ARHGEF26: variants seen among roughly 807,000 people sequenced by gnomAD.
The protein encoded by ARHGEF26 is Rho guanine nucleotide exchange factor (GEF) 26.
In ARHGEF26, 59 loss-of-function variants were observed where a neutral mutation model predicts 89.4. The observed-to-expected ratio is 0.66, with a 90% CI of 0.54 to 0.82. The LOEUF is 0.82. Among genes scored for constraint, ARHGEF26 ranks in the 40% least tolerant of loss-of-function variants. ARHGEF26 has a pLI of 0.00. For synonymous variants in ARHGEF26, 500 were observed against 428.4 expected, an observed-to-expected ratio of 1.17 and a Z score of -2.06; for missense variants, 1,234 against 1,085.6, an observed-to-expected ratio of 1.14 and a Z score of -1.92.
rs1715060125 is a variant in ARHGEF26 at position 154,207,051 on chromosome 3, C to T, written c.1846-10818C>T. On this transcript the variant is annotated intron_variant, in intron 9 of 14. Coordinates refer to ENST00000465093, the MANE Select transcript of ARHGEF26 (RefSeq NM_015595.4). ...AAATAAATGGTACTGGAAGAACTGGCTAACTGTATGCAGAAAATTGAAACT... is the reference window on the plus strand; with the variant it reads ...AAATAAATGGTACTGGAAGAACTGGTTAACTGTATGCAGAAAATTGAAACT... Among the ~76,000 whole-genome samples, 4 of 152,170 alleles carry T rather than the reference C, an allele frequency of 2.6e-5. No individual in the cohort carries two copies. The South Asian group carries it at 8.3e-4, about 32-fold the overall frequency.
chr3:154,247,838 AGTCATGGTATC>A lies in ARHGEF26; in HGVS notation c.2301-5273_2301-5263del, dbSNP rs1717893445. Among the ~76,000 whole-genome samples the A allele has an allele frequency of 2.0e-5, 3 of 152,346 alleles. No homozygotes were observed. The South Asian group carries it at 6.2e-4, about 32-fold the overall frequency. On this transcript the variant is annotated intron_variant, in intron 12 of 14. Transcript: ENST00000465093. ...ATCTGTTTGTCCATGACAGGCCCTAAGTCATGGTATCGTCAATGAGACAATACTCTGTGAAA... is the reference window on the plus strand; with the variant it reads ...ATCTGTTTGTCCATGACAGGCCCTAAGTCAATGAGACAATACTCTGTGAAA...
At chr3:154,187,081 G>A (rs903309709) in intron 6 of ARHGEF26, 6 of 180,762 alleles carry the variant, frequency 3.3e-5, no homozygotes, top group Non-Finnish European at 3.2e-5. Flanking sequence ...TAGGAGAGAC[G>A]GCGTTTCACC....
At chr3:154,182,018 TG>T (rs1156875808) in intron 6 of ARHGEF26, among the ~76,000 whole-genome samples, 1 of 151,916 alleles carries the variant, frequency 6.6e-6, no homozygotes, top group Non-Finnish European at 1.5e-5. Context: ...TGGCCAAGTC[TG>T]GGTGGGTGGG....
chr3:154,253,189 TTC>T lies in ARHGEF26; in HGVS notation c.2368+11_2368+12del. On this transcript the variant is annotated splice_region_variant and intron_variant, in intron 13 of 14. Coordinates refer to ENST00000465093, the MANE Select transcript of ARHGEF26 (RefSeq NM_015595.4). The stretch of plus-strand genomic sequence containing the variant: ...GCCGCCTGCAGACCGAACCTGTAAG[TTC>T]TCTCAAGGGGAAGCCCACTTGGGAA... The T allele has an allele frequency of 6.2e-7, 1 of 1,613,952 alleles. No individual in the cohort carries two copies. The highest frequency in any genetic ancestry group is 2.2e-5 in the East Asian group (1 of 44,878).
chr3:154,252,173 A>AT (rs1390837095), intron 12 of ARHGEF26, among the ~76,000 whole-genome samples: 3 of 152,122 alleles, frequency 2.0e-5, no homozygotes, highest in East Asian at 3.9e-4. Context: ...TCATGAAGGC[A>AT]TTTTTTCTTA....
chr3:154,247,155 A>G (rs987080653), intron 12 of ARHGEF26, among the ~76,000 whole-genome samples: 5 of 151,964 alleles, frequency 3.3e-5, no homozygotes, highest in East Asian at 3.9e-4. Flanking sequence ...CCTCTTATCT[A>G]TGCTCTTAGT....
intron 12 of ARHGEF26, among the ~76,000 whole-genome samples, chr3:154,252,804 T>C (rs1281566007): frequency 1.3e-5 from 2 of 152,246 alleles, no homozygotes; most frequent in Admixed American, 6.5e-5. Flanking sequence ...ATGGGTATGC[T>C]AAATACCTTT....
intron 6 of ARHGEF26, among the ~76,000 whole-genome samples, chr3:154,164,751 A>G (rs1711899205): frequency 6.6e-6 from 1 of 152,132 alleles, no homozygotes; most frequent in South Asian, 2.1e-4. Flanking sequence ...TCTACTTCTT[A>G]TTCTCTTGAG....
At chr3:154,121,752 G>T (rs1037624867) in intron 1 of ARHGEF26, among the ~76,000 whole-genome samples, 190 bp from the exon 2 acceptor site, 2 of 152,200 alleles carry the variant, frequency 1.3e-5, no homozygotes, top group Non-Finnish European at 2.9e-5. Flanking sequence ...ATCCGCCTGG[G>T]CGGCAGCCCA....
chr3:154,145,986 C>T (rs1719682576), intron 4 of ARHGEF26, among the ~76,000 whole-genome samples: 1 of 152,056 alleles, frequency 6.6e-6, no homozygotes, highest in South Asian at 2.1e-4. Flanking sequence ...GACTCACGGT[C>T]TAAAGCTTGT....
intron 9 of ARHGEF26, among the ~76,000 whole-genome samples, chr3:154,212,916 C>T (rs1005877178): frequency 1.3e-5 from 2 of 152,114 alleles, no homozygotes; most frequent in African/African-American, 2.4e-5. Flanking sequence ...CTAAGTTGTG[C>T]TCCATTGAAC....
intron 6 of ARHGEF26, among the ~76,000 whole-genome samples, chr3:154,179,220 A>G (rs1458541546): frequency 6.6e-6 from 1 of 152,206 alleles, no homozygotes; most frequent in African/African-American, 2.4e-5. Flanking sequence ...TGACAACAAC[A>G]AACCTGGCAT....
chr3:154,186,165 A>ACACACACACACACAC (rs766757043), intron 6 of ARHGEF26, among the ~76,000 whole-genome samples: 1 of 150,138 alleles, frequency 6.7e-6, no homozygotes, highest in African/African-American at 2.5e-5. Context: ...ACACACACAC[A>ACACACACACACACAC]CCCCTATACA....
intron 10 of ARHGEF26, among the ~76,000 whole-genome samples, chr3:154,219,904 A>G (rs1262004841): frequency 7.0e-6 from 1 of 143,844 alleles, no homozygotes; most frequent in African/African-American, 2.6e-5. Context: ...ACAGAGCGAG[A>G]CTCCGTCTCA....
chr3:154,174,550 A>G (rs1435321230), intron 6 of ARHGEF26, among the ~76,000 whole-genome samples: 1 of 152,206 alleles, frequency 6.6e-6, no homozygotes, highest in Non-Finnish European at 1.5e-5. Flanking sequence ...TTAATGAATT[A>G]TATTAATAAA....
intron 6 of ARHGEF26, among the ~76,000 whole-genome samples, chr3:154,179,951 A>G (rs1025642955): frequency 1.4e-4 from 21 of 152,186 alleles, no homozygotes; most frequent in African/African-American, 5.1e-4. Context: ...GGCTAAAGTC[A>G]TGGTGTCACT....
chr3:154,180,739 T>C (rs1183011518), intron 6 of ARHGEF26, among the ~76,000 whole-genome samples: 3 of 150,918 alleles, frequency 2.0e-5, no homozygotes, highest in African/African-American at 7.3e-5. Flanking sequence ...AATCCAGAGA[T>C]AAAATTTCAG....
chr3:154,184,775 C>T (rs922585993), intron 6 of ARHGEF26, among the ~76,000 whole-genome samples: 2 of 152,192 alleles, frequency 1.3e-5, no homozygotes, highest in East Asian at 1.9e-4. Context: ...CCAGTTTTCT[C>T]GGATTGAGTG....
chr3:154,256,939 A>G lies in ARHGEF26; in HGVS notation c.*1466A>G. 3.3e-6 allele frequency: 5 copies of G among 1,533,866 alleles called. No individual in the cohort carries two copies. The highest frequency in any genetic ancestry group is 4.4e-6 in the Non-Finnish European group (5 of 1,146,112). ...GAAGGATGGGAGATTAAGAGGGGGG[A>G]AATGATTTTTACTGGCAGCTATATT... On this transcript the variant is annotated 3_prime_UTR_variant, in exon 15 of 15. Transcript: ENST00000465093.
Sources: allele counts gnomAD v4.1 joint callset (sites outside exome capture counted in the v4.1 genomes callset), GRCh38; gene constraint gnomAD v4.1.1; transcripts MANE v1.5; gene names NCBI Gene and HGNC (gene_info 2026-07-23, HGNC 2026-07-21).